The following VPS45 variants were observed in gnomAD, a reference collection of about 807,000 sequenced individuals.
The protein encoded by VPS45 is vacuolar protein sorting-associated protein 45.
In VPS45, 35 loss-of-function variants were observed where a neutral mutation model predicts 75.9. The ratio of observed to expected loss-of-function variants is 0.46; its 90% CI spans 0.35 to 0.61. The LOEUF is 0.61. Ranked by LOEUF, VPS45 falls within the 20% of genes least tolerant of loss-of-function variation. VPS45 has a pLI of 0.00. For missense variants in VPS45, 559 were observed against 685.9 expected, an observed-to-expected ratio of 0.81 and a Z score of 2.07; for synonymous variants, 220 against 238.2, an observed-to-expected ratio of 0.92 and a Z score of 0.70.
At chr1:150,072,254 CA>C in intron 3 of VPS45, 28 bp downstream of exon 3, 2 of 1,501,148 alleles carry the variant, frequency 1.3e-6, no homozygotes, top group African/African-American at 1.4e-5. Flanking sequence ...CTTTTTCAAA[CA>C]TGTAACAACA....
chr1:150,098,915 A>G (rs1303132607), intron 13 of VPS45: 3 of 1,241,634 alleles, frequency 2.4e-6, no homozygotes, highest in African/African-American at 3.2e-5. Context: ...GAGCTATATG[A>G]TCATGCATTC....
intron 14 of VPS45, among the ~76,000 whole-genome samples, chr1:150,135,501 C>T (rs1483529216): frequency 2.6e-5 from 4 of 151,556 alleles, no homozygotes; most frequent in East Asian, 3.9e-4. Flanking sequence ...CCTGACCTCA[C>T]GTGATCCACC....
In VPS45 at chr1:150,077,079, GT is replaced by G; in HGVS notation, c.439-10del. The G allele has an allele frequency of 1.2e-6, 2 of 1,613,522 alleles. No individual in the cohort carries two copies. Among genetic ancestry groups the G allele is most frequent in the African/African-American group, 2.7e-5 (2 of 74,924 alleles). On this transcript the variant is annotated splice_polypyrimidine_tract_variant and intron_variant, in intron 5 of 14. Coordinates refer to ENST00000644510, the MANE Select transcript of VPS45 (RefSeq NM_007259.5). Reference sequence around the variant, plus strand: ...ATTCAAATATTTTCTCTGAATATATGTTTTTAACAAAAAGGGTCGAAATTGG... The same window carrying G: ...ATTCAAATATTTTCTCTGAATATATGTTTTAACAAAAAGGGTCGAAATTGG...
intron 14 of VPS45, among the ~76,000 whole-genome samples, chr1:150,123,655 A>G (rs1357276758): frequency 6.6e-6 from 1 of 152,226 alleles, no homozygotes; most frequent in African/African-American, 2.4e-5. Context: ...AAAGAGTTCT[A>G]GTCCCTGCCA....
At chr1:150,120,210 A>G (rs1004980467) in intron 14 of VPS45, among the ~76,000 whole-genome samples, 1 of 152,224 alleles carries the variant, frequency 6.6e-6, no homozygotes, top group Non-Finnish European at 1.5e-5. Flanking sequence ...ACTTAATGTA[A>G]TGGGTAGATA....
intron 10 of VPS45, among the ~76,000 whole-genome samples, chr1:150,088,473 C>T (rs1656140485): frequency 6.4e-5 from 6 of 94,452 alleles, no homozygotes; most frequent in South Asian, 7.1e-4. Flanking sequence ...ATTTTCTTTT[C>T]CCTTTTTTCT....
chr1:150,067,732 GCCCGGACT>G (rs587645627), upstream of VPS45: 72 of 871,562 alleles, frequency 8.3e-5, no homozygotes, highest in African/African-American at 7.8e-4. Context: ...CACCGTGGCT[GCCCGGACT>G]CCCGGAAGCC....
intron 14 of VPS45, among the ~76,000 whole-genome samples, chr1:150,138,108 A>G (rs1016419462): frequency 7.2e-5 from 11 of 151,854 alleles, no homozygotes; most frequent in Non-Finnish European, 2.9e-5. Flanking sequence ...AAATCCACAT[A>G]TTCTCCTCAA....
chr1:150,126,425 G>C (rs900174387), intron 14 of VPS45, among the ~76,000 whole-genome samples: 9 of 151,978 alleles, frequency 5.9e-5, no homozygotes, highest in Admixed American at 2.6e-4. Flanking sequence ...ATGTTAGCCA[G>C]GATGGTCTCA....
chr1:150,076,063 AATAT>A (rs71825614), intron 3 of VPS45, among the ~76,000 whole-genome samples, 166 bp from the exon 4 acceptor site: 16 of 140,010 alleles, frequency 1.1e-4, no homozygotes, highest in Admixed American at 7.1e-5. Context: ...GTCCTTTTAA[AATAT>A]ATATATATAT....
intron 10 of VPS45, among the ~76,000 whole-genome samples, chr1:150,088,068 C>T (rs931841984): frequency 6.6e-6 from 1 of 151,936 alleles, no homozygotes; most frequent in Admixed American, 6.6e-5. Flanking sequence ...CATTTCTTTG[C>T]GATAAGAACA....
chr1:150,075,837 C>A (rs1359140074), intron 3 of VPS45, among the ~76,000 whole-genome samples: 2 of 152,188 alleles, frequency 1.3e-5, no homozygotes, highest in South Asian at 4.2e-4. Context: ...GCAAGCTCTG[C>A]CTCCTGGGTT....
intron 10 of VPS45, among the ~76,000 whole-genome samples, chr1:150,085,334 G>T (rs112091581): frequency 3.3e-5 from 5 of 152,174 alleles, no homozygotes; most frequent in African/African-American, 1.2e-4. Context: ...CTCTCTACAT[G>T]TGGAAAGCAA....
chr1:150,105,960 C>G (rs1358251437), intron 13 of VPS45, among the ~76,000 whole-genome samples: 2 of 152,156 alleles, frequency 1.3e-5, no homozygotes, highest in African/African-American at 4.8e-5. Flanking sequence ...CACATACCTA[C>G]AACCAACTGA....
In VPS45 at chr1:150,081,472, C is replaced by T; in HGVS notation, c.818C>T (p.Ala273Val). ...VLSAENDEFY[A>V]NNMYLNFAEI... ...TCTGCTGAAAATGATGAATTCTATG[C>T]TAATGTAGGTGGTTTAAATTTTTTT... Residue 273 changes from alanine to valine, a missense_variant, in exon 8 of 15, where the codon GCT becomes GTT. By Grantham distance (64) the Ala-to-Val change is moderately conservative. Coordinates refer to ENST00000644510, the MANE Select transcript of VPS45 (RefSeq NM_007259.5). 6.3e-7 allele frequency: 1 copy of T among 1,598,480 alleles called. No homozygotes were observed. The highest frequency in any genetic ancestry group is 8.5e-7 in the Non-Finnish European group (1 of 1,176,308).
At chr1:150,138,257 CCTTA>C (rs1217072722) in intron 14 of VPS45, among the ~76,000 whole-genome samples, 2 of 152,078 alleles carry the variant, frequency 1.3e-5, no homozygotes, top group South Asian at 2.1e-4. Context: ...GACGCAGTTC[CCTTA>C]CTTATTTTTT....
intron 2 of VPS45, chr1:150,068,968 T>C: frequency 1.9e-6 from 1 of 538,842 alleles, no homozygotes. Flanking sequence ...CTTCAAGATG[T>C]TTTTTAGGTT....
intron 14 of VPS45, among the ~76,000 whole-genome samples, chr1:150,135,462 C>A (rs1559946007): frequency 6.6e-6 from 1 of 151,980 alleles, no homozygotes; most frequent in Admixed American, 6.6e-5. Flanking sequence ...GACAGGGTTT[C>A]ACCAAGTTGG....
intron 13 of VPS45, among the ~76,000 whole-genome samples, chr1:150,095,627 G>A (rs915121904): frequency 2.4e-5 from 3 of 124,302 alleles, no homozygotes; most frequent in South Asian, 2.6e-4. Context: ...AAAAAAAAAA[G>A]CAATCACACT....
Sources: gnomAD v4.1 joint callset for allele counts (sites outside exome capture counted in the v4.1 genomes callset) on GRCh38, gnomAD v4.1.1 for gene constraint, MANE v1.5 for transcripts, NCBI Gene and HGNC (gene_info 2026-07-23, HGNC 2026-07-21) for gene names.